The following KDM2A variants were observed in gnomAD, a reference collection of about 807,000 sequenced individuals.
The protein encoded by KDM2A is lysine-specific demethylase 2A.
In KDM2A, 3 loss-of-function variants were observed where a neutral mutation model predicts 137.3. That is an observed-to-expected ratio of 0.02 (90% CI 0.01 to 0.06). The LOEUF (loss-of-function observed/expected upper bound fraction) is 0.06, where lower values mean the gene tolerates loss of function less well. Ranked by LOEUF, KDM2A falls within the 10% of genes least tolerant of loss-of-function variation. The pLI is 1.00. For missense variants in KDM2A, 738 were observed against 1,510.6 expected (o/e 0.49, Z 8.48); for synonymous variants, 512 against 541.5 (o/e 0.95, Z 0.76).
At chr11:67,198,888 C>T (rs1168959720) in intron 5 of KDM2A, among the ~76,000 whole-genome samples, 1 of 152,018 alleles carries the variant, frequency 6.6e-6, no homozygotes, top group African/African-American at 2.4e-5. Context: ...AAGCAATTCT[C>T]ATGCCTCTGC....
At chr11:67,235,914 G>A (rs984831078) in intron 12 of KDM2A, among the ~76,000 whole-genome samples, 11 of 152,084 alleles carry the variant, frequency 7.2e-5, no homozygotes, top group Admixed American at 6.6e-5. Context: ...CACTGCGCCC[G>A]GCCAAGATAT....
At chr11:67,226,895 G>C (rs533224141) in intron 10 of KDM2A, among the ~76,000 whole-genome samples, 1 of 152,180 alleles carries the variant, frequency 6.6e-6, no homozygotes, top group Non-Finnish European at 1.5e-5. Context: ...GGGAGGCTTT[G>C]GTGGGAGGAT....
chr11:67,206,297 G>T (rs145336870), intron 5 of KDM2A, among the ~76,000 whole-genome samples: 143 of 152,310 alleles, frequency 9.4e-4, no homozygotes, highest in African/African-American at 3.1e-3. Flanking sequence ...CAGGCGTGGT[G>T]GCACACGGCC....
chr11:67,180,738 C>T (rs1023896351), intron 3 of KDM2A, among the ~76,000 whole-genome samples: 3 of 151,860 alleles, frequency 2.0e-5, no homozygotes, highest in Non-Finnish European at 4.4e-5. Flanking sequence ...CTGCAACCTC[C>T]GTCTCCTAGG....
chr11:67,196,601 T>G (rs556779275), intron 5 of KDM2A: 3 of 377,488 alleles, frequency 7.9e-6, no homozygotes, highest in African/African-American at 4.2e-5. Context: ...TAAGGACTTA[T>G]GCTAAGTGAA....
chr11:67,227,050 CTG>C (rs1352267052), intron 10 of KDM2A, among the ~76,000 whole-genome samples: 1 of 152,134 alleles, frequency 6.6e-6, no homozygotes, highest in Non-Finnish European at 1.5e-5. Context: ...CTTTCCTGGA[CTG>C]TGATATATCT....
chr11:67,141,494 G>A (rs1201207568), intron 2 of KDM2A, among the ~76,000 whole-genome samples: 2 of 151,120 alleles, frequency 1.3e-5, no homozygotes, highest in South Asian at 2.1e-4. Context: ...GTGAAACCCC[G>A]TCTCTACTAA....
At chr11:67,217,070 C>T (rs1167521116) in intron 8 of KDM2A, among the ~76,000 whole-genome samples, 4 of 151,124 alleles carry the variant, frequency 2.6e-5, no homozygotes, top group African/African-American at 9.7e-5. Flanking sequence ...GGTGAAACCC[C>T]GTCTCTACTA....
chr11:67,180,019 C>A, intron 2 of KDM2A, 60 bp from the exon 3 acceptor site: 3 of 1,526,052 alleles, frequency 2.0e-6, no homozygotes. Context: ...AATCTATGAC[C>A]ACTTGTAGGT....
intron 1 of KDM2A, among the ~76,000 whole-genome samples, chr11:67,120,940 A>G (rs537387775): frequency 2.6e-5 from 4 of 151,810 alleles, no homozygotes; most frequent in African/African-American, 9.7e-5. Flanking sequence ...TGATGCTGCC[A>G]TGAAGGAGAT....
rs1859550233 is a variant in KDM2A, at chr11:67,254,847, C to T, written c.3308-27C>T. 1 of 1,605,792 alleles carries T rather than the reference C, an allele frequency of 6.2e-7. No homozygotes were observed. Among genetic ancestry groups the T allele is most frequent in the Non-Finnish European group, 8.5e-7 (1 of 1,172,954 alleles). Reference sequence around the variant, plus strand: ...GAGGAAAGCTGTGTGTATGTGAGCACTGTCATTATGTCCACTTTCCCGACA... The same window carrying T: ...GAGGAAAGCTGTGTGTATGTGAGCATTGTCATTATGTCCACTTTCCCGACA... On this transcript the variant is annotated intron_variant, in intron 20 of 20. Transcript: ENST00000529006. This position sits in a 1 kb window ranked among gnomAD's most constrained non-coding sequence, Gnocchi z 4.7.
At chr11:67,187,548 T>TTTTTTTTA (rs1857237945) in intron 5 of KDM2A, among the ~76,000 whole-genome samples, 3 of 147,476 alleles carry the variant, frequency 2.0e-5, no homozygotes, top group African/African-American at 7.7e-5. Flanking sequence ...ATTTAATTGA[T>TTTTTTTTA]TTTATTTATT....
intron 2 of KDM2A, among the ~76,000 whole-genome samples, chr11:67,127,478 AT>A (rs1280552790): frequency 1.3e-5 from 2 of 152,118 alleles, no homozygotes. Flanking sequence ...GCAAAAAAAA[AT>A]AAAAAATAAG....
intron 2 of KDM2A, among the ~76,000 whole-genome samples, chr11:67,127,268 A>C (rs1855752098): frequency 6.6e-6 from 1 of 151,552 alleles, no homozygotes; most frequent in African/African-American, 2.4e-5. Context: ...GCTAATTTTT[A>C]ATTTTTTCTG....
chr11:67,217,727 A>G lies in KDM2A; in HGVS notation c.688-4A>G. The stretch of plus-strand genomic sequence containing the variant: ...TTAACAGACTAAAGTTTTTTAACTC[A>G]CAGGTCTTCTGGCTCATCCCCCCTA... On this transcript the variant is annotated splice_region_variant and splice_polypyrimidine_tract_variant and intron_variant, in intron 8 of 20. Transcript: ENST00000529006. 2 of 1,613,412 alleles carry G rather than the reference A, an allele frequency of 1.2e-6. No homozygotes were observed. Among genetic ancestry groups the G allele is most frequent in the Non-Finnish European group, 8.5e-7 (1 of 1,179,684 alleles).
At chr11:67,220,055 G>T (rs1858296531) in intron 10 of KDM2A, among the ~76,000 whole-genome samples, 1 of 151,554 alleles carries the variant, frequency 6.6e-6, no homozygotes, top group African/African-American at 2.4e-5. Context: ...CTGTTGCCCA[G>T]GCTGGTGTGC....
At position 67,252,802 on chromosome 11, in the gene KDM2A, C is replaced by T; in HGVS notation, c.2877C>T (p.Leu959=). 1 of 1,613,852 alleles carries T rather than the reference C, an allele frequency of 6.2e-7. No homozygotes were observed. The highest frequency in any genetic ancestry group is 1.7e-5 in the Admixed American group (1 of 60,030). ...IIKRQPVSLD[L]SWTNISKKQL... is the part of the protein sequence containing the mutation. The stretch of plus-strand genomic sequence containing the variant: ...AGAGGCAGCCAGTCAGCCTTGACCT[C>T]AGTTGGACCAACATCTCTAAAAAGC... Residue 959 remains leucine (L), a synonymous_variant, in exon 18 of 21, where the codon CTC becomes CTT. Transcript: ENST00000529006.
chr11:67,189,406 T>C (rs1302611273), intron 5 of KDM2A, among the ~76,000 whole-genome samples: 2 of 152,200 alleles, frequency 1.3e-5, no homozygotes, highest in Non-Finnish European at 2.9e-5. Context: ...AGGAGAAATT[T>C]GTAGCTATAA....
chr11:67,120,338 T>A (rs1855571349), intron 1 of KDM2A, among the ~76,000 whole-genome samples: 1 of 152,224 alleles, frequency 6.6e-6, no homozygotes, highest in African/African-American at 2.4e-5. Context: ...TCGGGTCCTC[T>A]GGTCTCGTAG....
Sources: gnomAD v4.1 joint callset for allele counts (sites outside exome capture counted in the v4.1 genomes callset) on GRCh38, gnomAD v4.1.1 for gene constraint, Gnocchi (gnomAD v3.1) non-coding constraint, MANE v1.5 for transcripts, NCBI Gene and HGNC (gene_info 2026-07-23, HGNC 2026-07-21) for gene names.